Variants in NRXN3 observed in about 807,000 individuals in gnomAD.
NRXN3 encodes neurexin 3, also known as neurexin III.
A neutral mutation model predicts 137.6 loss-of-function variants in NRXN3; 32 were observed. That is an observed-to-expected ratio of 0.23 (90% CI 0.18 to 0.31). NRXN3 has a LOEUF of 0.31. Among genes scored for constraint, NRXN3 ranks in the 10% least tolerant of loss-of-function variants. NRXN3 has a pLI of 1.00. For synonymous variants in NRXN3, 798 were observed against 784.5 expected, an observed-to-expected ratio of 1.02 and a Z score of -0.29; for missense variants, 1,574 against 2,062.5, an observed-to-expected ratio of 0.76 and a Z score of 4.59.
At chr14:78,944,690 G>T (rs1165284355) in intron 10 of NRXN3, among the ~76,000 whole-genome samples, 2 of 152,146 alleles carry the variant, frequency 1.3e-5, no homozygotes, top group Non-Finnish European at 2.9e-5. Flanking sequence ...GGACAAAAAT[G>T]ATTCTCCCCT....
intron 4 of NRXN3, among the ~76,000 whole-genome samples, chr14:78,374,563 G>A (rs1174242741): frequency 6.6e-6 from 1 of 151,952 alleles, no homozygotes; most frequent in Non-Finnish European, 1.5e-5. Flanking sequence ...ACTTGAGGTC[G>A]AGTTTGAGAC....
At chr14:79,384,755 C>G (rs1172026462) in intron 15 of NRXN3, among the ~76,000 whole-genome samples, 1 of 152,122 alleles carries the variant, frequency 6.6e-6, no homozygotes, top group Non-Finnish European at 1.5e-5. Flanking sequence ...TGATCATGGA[C>G]AAACTACTTA....
intron 4 of NRXN3, among the ~76,000 whole-genome samples, chr14:78,561,685 G>C (rs2096787817): frequency 1.3e-5 from 2 of 152,260 alleles, no homozygotes; most frequent in South Asian, 4.1e-4. Context: ...CACTCTTCCT[G>C]GAACATACTC....
At chr14:79,707,231 G>C (rs954549551) in intron 19 of NRXN3, among the ~76,000 whole-genome samples, 3 of 152,190 alleles carry the variant, frequency 2.0e-5, no homozygotes, top group African/African-American at 7.2e-5. Context: ...AAAAATATCA[G>C]TTGAAGAAAA....
At chr14:78,536,604 T>G (rs1255688159) in intron 4 of NRXN3, among the ~76,000 whole-genome samples, 6 of 139,818 alleles carry the variant, frequency 4.3e-5, no homozygotes, top group Non-Finnish European at 6.5e-5. Context: ...TACAGATTAT[T>G]TTTCTTTTTT....
At chr14:78,233,451 C>T (rs1032745457) in intron 1 of NRXN3, among the ~76,000 whole-genome samples, 1 of 152,130 alleles carries the variant, frequency 6.6e-6, no homozygotes, top group Admixed American at 6.5e-5. Context: ...TCTTGTTCCT[C>T]TGGATTGTAT....
intron 15 of NRXN3, among the ~76,000 whole-genome samples, chr14:79,185,152 T>C (rs936014203): frequency 6.6e-6 from 1 of 152,220 alleles, no homozygotes; most frequent in African/African-American, 2.4e-5. Context: ...TTATTTCTAA[T>C]AAACTATTTT....
At chr14:78,198,647 T>G (rs2061427459) in intron 1 of NRXN3, among the ~76,000 whole-genome samples, 2 of 152,250 alleles carry the variant, frequency 1.3e-5, no homozygotes, top group Non-Finnish European at 2.9e-5. Flanking sequence ...TCCTTATATA[T>G]GCACAACAAT....
intron 15 of NRXN3, among the ~76,000 whole-genome samples, chr14:79,386,590 G>C (rs567550336): frequency 1.3e-3 from 194 of 152,184 alleles, no homozygotes; most frequent in African/African-American, 4.5e-3. Flanking sequence ...TCACAGAGTT[G>C]GAAAAAACTA....
intron 1 of NRXN3, among the ~76,000 whole-genome samples, chr14:78,178,274 G>T (rs980856290): frequency 1.3e-5 from 2 of 152,230 alleles, no homozygotes; most frequent in African/African-American, 2.4e-5. Flanking sequence ...CATTTGCCAG[G>T]CAGTCAGCTG....
chr14:78,594,047 G>A (rs931823654), intron 4 of NRXN3, among the ~76,000 whole-genome samples: 5 of 152,146 alleles, frequency 3.3e-5, no homozygotes, highest in South Asian at 2.1e-4. Flanking sequence ...GCATGCCCTC[G>A]GCACGCAACA....
intron 16 of NRXN3, among the ~76,000 whole-genome samples, chr14:79,660,512 G>C (rs1242673148): frequency 2.0e-5 from 3 of 152,074 alleles, no homozygotes; most frequent in Admixed American, 2.0e-4. Context: ...CTAAGATAAG[G>C]ACCAAATATT....
chr14:78,523,522 G>A (rs541584804), intron 4 of NRXN3, among the ~76,000 whole-genome samples: 4 of 151,514 alleles, frequency 2.6e-5, no homozygotes, highest in South Asian at 2.1e-4. Context: ...AGTGTAGGCC[G>A]GGTGCGGTGG....
intron 10 of NRXN3, among the ~76,000 whole-genome samples, chr14:78,813,070 A>C (rs1447005382): frequency 6.6e-6 from 1 of 152,222 alleles, no homozygotes; most frequent in African/African-American, 2.4e-5. Context: ...ATATGGAGTA[A>C]AAGTTTAAAT....
intron 15 of NRXN3, among the ~76,000 whole-genome samples, chr14:79,263,384 TCAG>T (rs111473350): frequency 0.037 from 5,566 of 152,250 alleles, 257 homozygotes; most frequent in African/African-American, 0.1. Flanking sequence ...CTGCCCTAGC[TCAG>T]GAGCTCAGGT....
At chr14:78,292,615 A>T (rs1882810) in intron 3 of NRXN3, among the ~76,000 whole-genome samples, 37,775 of 152,114 alleles carry the variant, frequency 0.25, 5,078 homozygotes, top group East Asian at 0.38. Flanking sequence ...TTATTTTTTA[A>T]AAAAGGAATT....
intron 16 of NRXN3, among the ~76,000 whole-genome samples, chr14:79,596,292 T>A (rs2097857948): frequency 6.6e-6 from 1 of 152,194 alleles, no homozygotes; most frequent in African/African-American, 2.4e-5. Flanking sequence ...AGATATATAC[T>A]AACATGACCT....
At chr14:78,229,784 G>A (rs4903730) in intron 1 of NRXN3, among the ~76,000 whole-genome samples, 105,713 of 151,998 alleles carry the variant, frequency 0.7, 37,477 homozygotes, top group African/African-American at 0.83. Flanking sequence ...CTTTGCCACT[G>A]TCTTCCTTCT....
intron 19 of NRXN3, among the ~76,000 whole-genome samples, chr14:79,743,318 A>G (rs772418284): frequency 6.6e-6 from 1 of 152,178 alleles, no homozygotes; most frequent in Non-Finnish European, 1.5e-5. Flanking sequence ...CATTAAAATC[A>G]AAGTATTAGA....
Sources: allele counts gnomAD v4.1 joint callset (sites outside exome capture counted in the v4.1 genomes callset), GRCh38; gene constraint gnomAD v4.1.1; transcripts MANE v1.5; gene names NCBI Gene and HGNC (gene_info 2026-07-23, HGNC 2026-07-21).